MROH2A: variants seen among roughly 807,000 people sequenced by gnomAD.
The protein encoded by MROH2A is maestro heat-like repeat-containing protein family member 2A.
Under a neutral mutation model 200.4 loss-of-function variants are expected in MROH2A, and 174 were observed. The ratio of observed to expected loss-of-function variants is 0.87; its 90% confidence interval spans 0.77 to 0.98. The LOEUF (loss-of-function observed/expected upper bound fraction) is 0.98. Ranked by LOEUF, MROH2A falls within the 50% of genes least tolerant of loss-of-function variation. The pLI is 0.00. For synonymous variants in MROH2A, 829 were observed against 840.4 expected, an observed-to-expected ratio of 0.99 and a Z score of 0.23; for missense variants, 2,045 against 2,139.6, an observed-to-expected ratio of 0.96 and a Z score of 0.87.
In MROH2A at chr2:233,810,861, A is replaced by G. The variant is rs1703106968; in HGVS notation, c.2516A>G (p.Lys839Arg). ...VQVTKAINNI[K>R]DLEDFHFAQK... ...GTTACCAAGGCCATCAACAACATCA[A>G]GGACCTGGAGGACTTTCACTTTGCC... The change falls in exon 23 of 42, where the codon AAG becomes AGG. Residue 839 changes from lysine (K) to arginine (R), a missense_variant. This residue lies in a region of MROH2A where 1,201 missense variants were observed against 1,311.3 expected (regional missense o/e 0.92). Transcript: ENST00000389758. The G allele has an allele frequency of 1.9e-6, 3 of 1,550,454 alleles. No homozygotes were observed. Among genetic ancestry groups the G allele is most frequent in the South Asian group, 2.4e-5 (2 of 84,062 alleles).
intron 18 of MROH2A, 45 bp from the exon 19 acceptor site, chr2:233,804,959 A>G: frequency 8.5e-7 from 1 of 1,181,280 alleles, no homozygotes; most frequent in Non-Finnish European, 1.2e-6. Context: ...AAGAACAAGG[A>G]TGAAGGCCTT....
chr2:233,803,710 G>A (rs143896017), intron 16 of MROH2A, among the ~76,000 whole-genome samples: 138 of 152,280 alleles, frequency 9.1e-4, no homozygotes, highest in Middle Eastern at 3.4e-3. Context: ...ACCTGGACCT[G>A]CTTTTAGATT....
In MROH2A at chr2:233,823,033, C is replaced by T. The variant is rs1340167989; in HGVS notation, c.4004+15C>T. On this transcript the variant is annotated intron_variant, in intron 34 of 41. Transcript: ENST00000389758. ...CTGCTGGCCAGGTGGGCCCTGGCTC[C>T]CACAGGGTGGCAGGGGGACCTGCAG... The T allele has an allele frequency of 6.5e-7, 1 of 1,549,612 alleles. No homozygotes were observed. The highest frequency in any genetic ancestry group is 1.2e-5 in the South Asian group (1 of 84,014).
At position 233,802,163 on chromosome 2, in the gene MROH2A, C is replaced by G; in HGVS notation, c.1561-5C>G. On this transcript the variant is annotated splice_region_variant and splice_polypyrimidine_tract_variant and intron_variant, in intron 14 of 41. Coordinates refer to ENST00000389758, the MANE Select transcript of MROH2A (RefSeq NM_001394639.1). The stretch of plus-strand genomic sequence containing the variant: ...GAGCCCCTTTCTCTCCCACCCCTAC[C>G]CCAGGAGTTTTGGGTGAGGCTGCTG... 1.3e-6 allele frequency: 2 copies of G among 1,548,090 alleles called. No individual in the cohort carries two copies. Among genetic ancestry groups the G allele is most frequent in the Non-Finnish European group, 1.7e-6 (2 of 1,145,302 alleles).
chr2:233,813,745 C>G lies in MROH2A; in HGVS notation c.2727C>G (p.Leu909=). The change falls in exon 25 of 42, where the codon CTC becomes CTG. Residue 909 remains leucine (L), a synonymous_variant. Coordinates refer to ENST00000389758, the MANE Select transcript of MROH2A (RefSeq NM_001394639.1). ...MDISIHSVIS[L]QLPGEDNESI... is the part of the protein sequence containing the mutation. ...TCAGCATACATTCTGTAATTTCTCT[C>G]CAACTCCCAGGAGAGGACAATGAGT... The G allele has an allele frequency of 6.5e-7, 1 of 1,549,886 alleles. No individual in the cohort carries two copies. The highest frequency in any genetic ancestry group is 8.7e-7 in the Non-Finnish European group (1 of 1,146,380).
At chr2:233,816,746 A>T in intron 26 of MROH2A, 35 bp from the exon 27 acceptor site, 1 of 1,465,574 alleles carries the variant, frequency 6.8e-7, no homozygotes, top group Non-Finnish European at 9.3e-7. Context: ...CCAGGATTTT[A>T]ACACCCACTT....
At chr2:233,823,237 A>G (rs7603146) in intron 34 of MROH2A, among the ~76,000 whole-genome samples, 118,680 of 152,248 alleles carry the variant, frequency 0.78, 47,059 homozygotes, top group African/African-American at 0.93. Context: ...TGAGGGCAGA[A>G]AGAGGAGGGG....
intron 22 of MROH2A, 102 bp downstream of exon 22, chr2:233,809,380 C>T: frequency 7.7e-7 from 1 of 1,306,278 alleles, no homozygotes; most frequent in Middle Eastern, 1.9e-4. Context: ...CAGGGGACAT[C>T]CAGGCATCTT....
intron 3 of MROH2A, among the ~76,000 whole-genome samples, chr2:233,787,663 ATT>A (rs1237217464): frequency 1.3e-5 from 1 of 75,888 alleles, no homozygotes; most frequent in Non-Finnish European, 2.2e-5. Context: ...ATACATATAT[ATT>A]ATATATATTA....
chr2:233,785,301 C>G (rs1047809862), intron 3 of MROH2A, among the ~76,000 whole-genome samples: 13 of 151,816 alleles, frequency 8.6e-5, no homozygotes, highest in South Asian at 4.2e-4. Flanking sequence ...GACCACATCT[C>G]TAAAAAAATT....
intron 41 of MROH2A, among the ~76,000 whole-genome samples, chr2:233,832,877 T>C (rs1704879294): frequency 6.6e-6 from 1 of 152,212 alleles, no homozygotes. Flanking sequence ...CATAGCTTCT[T>C]ATGAAATGCT....
At chr2:233,831,606 T>C (rs1574626647) in intron 39 of MROH2A, 66 bp downstream of exon 39, 3 of 1,499,810 alleles carry the variant, frequency 2.0e-6, no homozygotes, top group Non-Finnish European at 1.8e-6. Context: ...AGCTGGGGGG[T>C]CGAGATTGCC....
rs1217472583 is a variant in MROH2A, at chr2:233,802,156, C to A, written c.1561-12C>A. On this transcript the variant is annotated splice_polypyrimidine_tract_variant and intron_variant, in intron 14 of 41. Coordinates refer to ENST00000389758, the MANE Select transcript of MROH2A (RefSeq NM_001394639.1). ...TAATTCTGAGCCCCTTTCTCTCCCACCCCTACCCCAGGAGTTTTGGGTGAG... is the reference window on the plus strand; with the variant it reads ...TAATTCTGAGCCCCTTTCTCTCCCAACCCTACCCCAGGAGTTTTGGGTGAG... The A allele has an allele frequency of 6.5e-7, 1 of 1,547,128 alleles. No individual in the cohort carries two copies. The highest frequency in any genetic ancestry group is 2.4e-5 in the East Asian group (1 of 40,852).
chr2:233,829,843 G>A, intron 38 of MROH2A, 68 bp downstream of exon 38: 1 of 1,258,810 alleles, frequency 7.9e-7, no homozygotes, highest in Non-Finnish European at 1.0e-6. Context: ...CAGGTCCTTG[G>A]GTCTGCTGGC....
At position 233,822,288 on chromosome 2, in the gene MROH2A, G is replaced by A. The variant is rs1410159437; in HGVS notation, c.3672+5G>A. On this transcript the variant is annotated splice_donor_5th_base_variant and intron_variant, in intron 32 of 41. Coordinates refer to ENST00000389758, the MANE Select transcript of MROH2A (RefSeq NM_001394639.1). ...GCTGCGGTGGACCCCCTGATGGTGA[G>A]TTGCAGGCGCAGGCCCCAAGGCTCC... 6.5e-7 allele frequency: 1 copy of A among 1,547,604 alleles called. No homozygotes were observed. Among genetic ancestry groups the A allele is most frequent in the Non-Finnish European group, 8.7e-7 (1 of 1,146,878 alleles).
chr2:233,801,279 T>C (rs1019220492), intron 14 of MROH2A, among the ~76,000 whole-genome samples: 1 of 143,644 alleles, frequency 7.0e-6, no homozygotes, highest in Non-Finnish European at 1.5e-5. Context: ...TTGCACTTGA[T>C]GGTTGGTAGC....
At chr2:233,793,028 A>C (rs935360601) in intron 6 of MROH2A, 134 bp downstream of exon 6, 13 of 891,988 alleles carry the variant, frequency 1.5e-5, no homozygotes, top group Admixed American at 2.5e-5. Flanking sequence ...AGTTTGCTTA[A>C]TCTTTTACTT....
At chr2:233,795,144 G>T (rs1474452659) in intron 8 of MROH2A, among the ~76,000 whole-genome samples, 2 of 152,182 alleles carry the variant, frequency 1.3e-5, no homozygotes, top group Non-Finnish European at 2.9e-5. Flanking sequence ...TTCTGGGCGA[G>T]CCTGAATTTT....
Position 233,807,334 on chromosome 2 carries a change from A to G in MROH2A, c.2053-89A>G. 7.4e-7 allele frequency: 1 copy of G among 1,357,850 alleles called. No individual in the cohort carries two copies. The highest frequency in any genetic ancestry group is 9.8e-7 in the Non-Finnish European group (1 of 1,016,916). The allele number at this position is 1,357,850 out of a possible 1,614,324, so 84.1% of individuals were successfully genotyped here. A position where few individuals can be genotyped will look rare whatever the true frequency, so the allele number is the denominator to read the frequency against. On this transcript the variant is annotated intron_variant, in intron 19 of 41. Transcript: ENST00000389758. This position sits in a 1 kb window ranked among gnomAD's most constrained non-coding sequence, Gnocchi z 4.3. ...ATCTTCTGCACATTAAAATAAATTG[A>G]AAAATACGTAGAAAACTCTCTACAA...
Sources: allele counts gnomAD v4.1 joint callset (sites outside exome capture counted in the v4.1 genomes callset), GRCh38; gene constraint gnomAD v4.1.1; regional missense constraint gnomAD v4.1.1; non-coding constraint Gnocchi (gnomAD v3.1); transcripts MANE v1.5; gene names NCBI Gene and HGNC (gene_info 2026-07-23, HGNC 2026-07-21).